The following KIAA1549 variants were observed in gnomAD, a reference collection of about 807,000 sequenced individuals.
The protein encoded by KIAA1549 is UPF0606 protein KIAA1549.
In KIAA1549, 70 loss-of-function variants were observed where a neutral mutation model predicts 156.4. The observed-to-expected ratio is 0.45, with a 90% CI of 0.37 to 0.55. The LOEUF (loss-of-function observed/expected upper bound fraction) is 0.55, where lower values mean the gene tolerates loss of function less well. Ranked by LOEUF, KIAA1549 falls within the 20% of genes least tolerant of loss-of-function variation. KIAA1549 has a pLI of 0.00. For synonymous variants in KIAA1549, 1,103 were observed against 1,066.4 expected (o/e 1.03, Z -0.67); for missense variants, 2,428 against 2,540.9 (o/e 0.96, Z 0.96).
At chr7:138,943,493 T>C (rs1159847848) in intron 1 of KIAA1549, among the ~76,000 whole-genome samples, 2 of 152,264 alleles carry the variant, frequency 1.3e-5, no homozygotes, top group Non-Finnish European at 2.9e-5. Context: ...ATGTTTATTG[T>C]GTACAACATA....
At position 138,869,716 on chromosome 7, in the gene KIAA1549, T is replaced by C; in HGVS notation, c.4597A>G (p.Asn1533Asp). Residue 1533 changes from asparagine to aspartate, a missense_variant, in exon 14 of 20, where the codon AAC (asparagine) becomes GAC (aspartate). Physicochemically the swap from Asn to Asp is conservative, Grantham distance 23. Coordinates refer to ENST00000422774, the MANE Select transcript of KIAA1549 (RefSeq NM_001164665.2). ...CGCTTGGCGCGCAGGCGGATCTTGT[T>C]GCGATGGTGCTCGATCTCAGACTTG... is the stretch of plus-strand genomic sequence containing the variant. ...RHKSEIEHHR[N>D]KIRLRAKRRG... The C allele has an allele frequency of 1.9e-6, 3 of 1,612,154 alleles. No individual in the cohort carries two copies. Among genetic ancestry groups the C allele is most frequent in the Non-Finnish European group, 2.5e-6 (3 of 1,179,840 alleles).
At chr7:138,906,839 TA>T (rs1447241283) in intron 6 of KIAA1549, 79 bp downstream of exon 6, 2 of 1,182,394 alleles carry the variant, frequency 1.7e-6, no homozygotes, top group Non-Finnish European at 2.3e-6. Context: ...TTTAAAAAAC[TA>T]AAAAAATTTT....
intron 1 of KIAA1549, among the ~76,000 whole-genome samples, chr7:138,922,851 G>GGGTA (rs1424030122): frequency 6.6e-6 from 1 of 151,968 alleles, no homozygotes; most frequent in African/African-American, 2.4e-5. Context: ...AAATGGAATA[G>GGGTA]GGTAGATACA....
Position 138,871,325 on chromosome 7 carries a change from T to C in KIAA1549, c.4383A>G (p.Ser1461=), listed in dbSNP as rs762749887. 1 of 1,595,226 alleles carries C rather than the reference T, an allele frequency of 6.3e-7. No homozygotes were observed. Among genetic ancestry groups the C allele is most frequent in the African/African-American group, 1.3e-5 (1 of 74,340 alleles). ...PLPSSGNEQH[S]SASIFEHVDR... ...CCACGTGCTCGAAGATGGAGGCTGATGAGTGCTGCTCATTTCCCGAACTGG... is the reference window on the plus strand; with the variant it reads ...CCACGTGCTCGAAGATGGAGGCTGACGAGTGCTGCTCATTTCCCGAACTGG... Residue 1461 remains serine, a synonymous_variant, in exon 13 of 20, where the codon TCA becomes TCG. Transcript: ENST00000422774.
intron 18 of KIAA1549, among the ~76,000 whole-genome samples, chr7:138,843,629 T>C (rs1369310739): frequency 1.3e-5 from 2 of 152,330 alleles, no homozygotes; most frequent in Admixed American, 1.3e-4. Flanking sequence ...ATAATTTCTA[T>C]ATTCGTTCAG....
At chr7:138,956,481 G>A (rs540734825) in intron 1 of KIAA1549, among the ~76,000 whole-genome samples, 15 of 152,278 alleles carry the variant, frequency 9.9e-5, no homozygotes, top group African/African-American at 3.1e-4. Context: ...GGGATCTGGT[G>A]GAAGATAATT....
chr7:138,907,870 C>T (rs994145771), intron 5 of KIAA1549, among the ~76,000 whole-genome samples: 3 of 152,100 alleles, frequency 2.0e-5, no homozygotes, highest in Non-Finnish European at 2.9e-5. Flanking sequence ...TGAATGAAAA[C>T]GCAGCTAGCT....
At chr7:138,944,300 C>T (rs1333058534) in intron 1 of KIAA1549, among the ~76,000 whole-genome samples, 2 of 152,052 alleles carry the variant, frequency 1.3e-5, no homozygotes, top group East Asian at 1.9e-4. Flanking sequence ...AGAAGTACAT[C>T]GAAGGATGCT....
chr7:138,962,501 C>T (rs1180301331), intron 1 of KIAA1549, among the ~76,000 whole-genome samples: 8 of 152,180 alleles, frequency 5.3e-5, no homozygotes, highest in African/African-American at 9.7e-5. Flanking sequence ...AAGAGGGCCG[C>T]TAGCTCCTGC....
chr7:138,970,573 G>T (rs777642966), intron 1 of KIAA1549, among the ~76,000 whole-genome samples: 1 of 152,186 alleles, frequency 6.6e-6, no homozygotes, highest in Non-Finnish European at 1.5e-5. Flanking sequence ...TCAAGCTTTG[G>T]TGTGCACACA....
rs1290629535 is a variant in KIAA1549, at chr7:138,918,066, C to G, written c.1560G>C (p.Gln520His). ...AGAGGCGGCCGTGGGCAGGGGGAACCTGTGTGGTTGTAACACTACTCATAT... is the reference window on the plus strand; with the variant it reads ...AGAGGCGGCCGTGGGCAGGGGGAACGTGTGTGGTTGTAACACTACTCATAT... ...EVDMSSVTTT[Q>H]VPPAHGRLSV... is the part of the protein sequence containing the mutation. Residue 520 changes from glutamine (Q) to histidine (H), a missense_variant, in exon 2 of 20, where the codon CAG becomes CAC. This residue lies in a region of KIAA1549 where 893 missense variants were observed against 847.9 expected (regional missense o/e 1.05). Transcript: ENST00000422774. The surrounding 1 kb of genome is among the most constrained non-coding windows in gnomAD (Gnocchi z 4.2). 6.2e-7 allele frequency: 1 copy of G among 1,613,332 alleles called. No homozygotes were observed. The highest frequency in any genetic ancestry group is 8.5e-7 in the Non-Finnish European group (1 of 1,179,700).
intron 1 of KIAA1549, among the ~76,000 whole-genome samples, chr7:138,977,749 G>GA (rs756781918): frequency 1.3e-5 from 2 of 152,028 alleles, no homozygotes; most frequent in Non-Finnish European, 2.9e-5. Flanking sequence ...GTCCAGGCTG[G>GA]AGTACAATGG....
intron 8 of KIAA1549, among the ~76,000 whole-genome samples, chr7:138,901,327 T>C (rs1811834973): frequency 1.3e-5 from 1 of 75,440 alleles, no homozygotes; most frequent in South Asian, 3.1e-4. Flanking sequence ...TTGAGTTTTA[T>C]TTTTTTTTTT....
chr7:138,953,187 C>T (rs1249906367), intron 1 of KIAA1549, among the ~76,000 whole-genome samples: 1 of 152,134 alleles, frequency 6.6e-6, no homozygotes, highest in Non-Finnish European at 1.5e-5. Flanking sequence ...AAAACCTCAT[C>T]TCTACTAAAA....
rs1234376314 is a variant in KIAA1549 at position 138,883,111 on chromosome 7, AAAAAAAT to A, written c.4033-1534_4033-1528del. Among the ~76,000 whole-genome samples, 811 of 126,810 alleles carry A rather than the reference AAAAAAAT, an allele frequency of 6.4e-3. 75 individuals carry two copies. Among genetic ancestry groups the A allele is most frequent in the African/African-American group, 0.022 (770 of 34,606 alleles). 83.2% of individuals were successfully genotyped at this position (126,810 alleles called of 152,430 possible). On this transcript the variant is annotated intron_variant, in intron 10 of 19. Coordinates refer to ENST00000422774, the MANE Select transcript of KIAA1549 (RefSeq NM_001164665.2). The stretch of plus-strand genomic sequence containing the variant: ...CCCTAAAAAAAAAAAAAAAAAAAAA[AAAAAAAT>A]TCAGCCAGACATGGTATGGTGGTGC...
chr7:138,839,436 CAACT>C (rs1809842149), intron 19 of KIAA1549, among the ~76,000 whole-genome samples: 1 of 152,120 alleles, frequency 6.6e-6, no homozygotes. Context: ...AAAATGTCCC[CAACT>C]GTGTGCTTAT....
rs1253462543 is a variant in KIAA1549 at position 138,917,743 on chromosome 7, G to A, written c.1883C>T (p.Ser628Leu). Residue 628 changes from serine (S) to leucine (L), a missense_variant, in exon 2 of 20, where the codon TCA becomes TTA. This residue lies in a region of KIAA1549 where 893 missense variants were observed against 847.9 expected (regional missense o/e 1.05). Coordinates refer to ENST00000422774, the MANE Select transcript of KIAA1549 (RefSeq NM_001164665.2). ...GALDFASSFF[S>L]TPPLELSGSI... ...GCCGCTGAGTTCCAGCGGGGGTGTT[G>A]AGAAAAAGCTGGATGCAAAATCCAA... The A allele has an allele frequency of 1.3e-6, 2 of 1,585,902 alleles. No individual in the cohort carries two copies. The highest frequency in any genetic ancestry group is 1.3e-5 in the African/African-American group (1 of 74,246).
chr7:138,923,163 C>T (rs1306653876), intron 1 of KIAA1549, among the ~76,000 whole-genome samples: 5 of 152,116 alleles, frequency 3.3e-5, no homozygotes, highest in African/African-American at 1.2e-4. Flanking sequence ...GGTGAATAAC[C>T]AGGAAAAATC....
intron 12 of KIAA1549, among the ~76,000 whole-genome samples, chr7:138,878,223 T>C (rs1584724399): frequency 6.6e-6 from 1 of 152,176 alleles, no homozygotes; most frequent in East Asian, 1.9e-4. Flanking sequence ...CACAGGAGCC[T>C]TGAAGGCTGA....
Sources: gnomAD v4.1 joint callset for allele counts (sites outside exome capture counted in the v4.1 genomes callset) on GRCh38, gnomAD v4.1.1 for gene constraint, gnomAD v4.1.1 regional missense constraint, Gnocchi (gnomAD v3.1) non-coding constraint, MANE v1.5 for transcripts, NCBI Gene and HGNC (gene_info 2026-07-23, HGNC 2026-07-21) for gene names.